The following GIGYF1 variants were observed in gnomAD, a reference collection of about 807,000 sequenced individuals.
The protein encoded by GIGYF1 is GRB10-interacting GYF protein 1.
GIGYF1 carries 84 observed loss-of-function variants against 147.1 expected under a neutral mutation model. The ratio of observed to expected loss-of-function variants is 0.57; its 90% CI spans 0.48 to 0.68. GIGYF1 has a LOEUF of 0.68. Ranked by LOEUF, GIGYF1 falls within the 30% of genes least tolerant of loss-of-function variation. The pLI, the probability that GIGYF1 is intolerant of heterozygous loss-of-function variation, is 0.00. For synonymous variants in GIGYF1, 752 were observed against 589.5 expected (o/e 1.28, Z -3.99); for missense variants, 1,485 against 1,393.7 (o/e 1.07, Z -1.04).
intron 12 of GIGYF1, 50 bp from the exon 13 acceptor site, chr7:100,685,531 C>A: frequency 1.3e-6 from 2 of 1,578,138 alleles, no homozygotes; most frequent in Non-Finnish European, 1.7e-6. Flanking sequence ...GGGCCTGCCA[C>A]GCGAGTTAGC....
In GIGYF1 at chr7:100,686,053, C is replaced by G; in HGVS notation, c.975G>C (p.Glu325Asp). Reference sequence around the variant, plus strand: ...ACCCTTGGAAGTCCAGCTCCTGCTCCTCAGGAATGGGCTCCTTGGGGCCCT... The same window carrying G: ...ACCCTTGGAAGTCCAGCTCCTGCTCGTCAGGAATGGGCTCCTTGGGGCCCT... ...LKKGPKEPIP[E>D]EQELDFQGLE... Residue 325 changes from glutamate to aspartate, a missense_variant, in exon 12 of 27, where the codon GAG becomes GAC. Physicochemically the swap from Glu to Asp is conservative, Grantham distance 45. Coordinates refer to ENST00000678049, the MANE Select transcript of GIGYF1 (RefSeq NM_001375765.1). 1 of 1,612,830 alleles carries G rather than the reference C, an allele frequency of 6.2e-7. No individual in the cohort carries two copies. Among genetic ancestry groups the G allele is most frequent in the Non-Finnish European group, 8.5e-7 (1 of 1,179,952 alleles).
chr7:100,683,839 T>G lies in GIGYF1; in HGVS notation c.1948A>C (p.Thr650Pro). The change falls in exon 19 of 27, where the codon ACC becomes CCC. Residue 650 changes from threonine to proline, a missense_variant. Thr to Pro is a conservative substitution (Grantham distance 38). Transcript: ENST00000678049. ...ACACCTGACTGTGATGAGGCTGAGGTATGTACGTCCCAGAGGCGGCCCGAA... is the reference window on the plus strand; with the variant it reads ...ACACCTGACTGTGATGAGGCTGAGGGATGTACGTCCCAGAGGCGGCCCGAA... ...PDSGRLWDVH[T>P]SASSQSGGEA... is the part of the protein sequence containing the mutation. 3 of 1,571,616 alleles carry G rather than the reference T, an allele frequency of 1.9e-6. No individual in the cohort carries two copies. The highest frequency in any genetic ancestry group is 2.6e-6 in the Non-Finnish European group (3 of 1,157,828).
chr7:100,685,239 A>C lies in GIGYF1; in HGVS notation c.1193-93T>G, dbSNP rs533024046. On this transcript the variant is annotated intron_variant, in intron 13 of 26. Transcript: ENST00000678049. ...CACTCCAGAACACCACGCTCTTGCC[A>C]TGGCTCCTCAATGTGAATGCCCTGT... 4.6e-6 allele frequency: 7 copies of C among 1,524,674 alleles called. No individual in the cohort carries two copies. The Admixed American group carries it at 9.6e-5, about 21-fold the overall frequency. 94.4% of individuals were successfully genotyped at this position (1,524,674 alleles called of 1,614,324 possible).
At chr7:100,691,543 A>G (rs1805825675) in intron 1 of GIGYF1, among the ~76,000 whole-genome samples, 1 of 142,072 alleles carries the variant, frequency 7.0e-6, no homozygotes, top group South Asian at 2.2e-4. Context: ...AAGTTTGTCT[A>G]TTGCAAGCTC....
Position 100,681,868 on chromosome 7 carries a change from G to C in GIGYF1, c.3051C>G (p.Ile1017Met). ...RALMLHSDPS[I>M]LGYSLHGSSG... is the part of the protein sequence containing the mutation. ...TCCTGCCCCAGCCCAGCTCACCCAG[G>C]ATGCTGGGGTCTGAGTGCAGCATCA... The change falls in exon 26 of 27, where the codon ATC becomes ATG. Residue 1017 changes from isoleucine (I) to methionine (M), a missense_variant. Coordinates refer to ENST00000678049, the MANE Select transcript of GIGYF1 (RefSeq NM_001375765.1). The C allele has an allele frequency of 6.2e-7, 1 of 1,612,602 alleles. No individual in the cohort carries two copies. The highest frequency in any genetic ancestry group is 1.1e-5 in the South Asian group (1 of 91,046).
chr7:100,683,777 C>T (rs201721548), intron 19 of GIGYF1, 41 bp downstream of exon 19: 13 of 1,577,054 alleles, frequency 8.2e-6, no homozygotes, highest in East Asian at 4.6e-5. Flanking sequence ...CCATTTCACC[C>T]GGAGACTGCC....
In GIGYF1 at chr7:100,684,105, T is replaced by C. The variant is rs1331283841; in HGVS notation, c.1783A>G (p.Thr595Ala). ...LREKAALGDL[T>A]PPPPPPPQQQ... Reference sequence around the variant, plus strand: ...TGTGGCGGCGGCGGTGGTGGCGGTGTCAGGTCCCCCAGAGCTGCCTTTTCT... The same window carrying C: ...TGTGGCGGCGGCGGTGGTGGCGGTGCCAGGTCCCCCAGAGCTGCCTTTTCT... Residue 595 changes from threonine to alanine, a missense_variant, in exon 18 of 27, where the codon ACA becomes GCA. Physicochemically the swap from Thr to Ala is moderately conservative, Grantham distance 58. Coordinates refer to ENST00000678049, the MANE Select transcript of GIGYF1 (RefSeq NM_001375765.1). 2.5e-6 allele frequency: 4 copies of C among 1,607,560 alleles called. No homozygotes were observed. The highest frequency in any genetic ancestry group is 1.7e-4 in the Middle Eastern group (1 of 6,012).
In GIGYF1 at chr7:100,682,720, G is replaced by A. The variant is rs1408380732; in HGVS notation, c.2470C>T (p.Leu824=). The A allele has an allele frequency of 3.2e-6, 5 of 1,574,234 alleles. No homozygotes were observed. The African/African-American group carries it at 5.4e-5, about 17-fold the overall frequency. Residue 824 remains leucine (L), a synonymous_variant, in exon 23 of 27, where the codon CTG becomes TTG. Transcript: ENST00000678049. ...CCACTCTTGTCTGGCCCGCCCCACA[G>A]TGGCCCAGCCTCAGACACCCACTGG... The part of the protein sequence containing the change: ...LNQWVSEAGP[L]WGGPDKSGGG...
At chr7:100,693,609 G>A (rs1482681585) in intron 1 of GIGYF1, among the ~76,000 whole-genome samples, 5 of 152,192 alleles carry the variant, frequency 3.3e-5, no homozygotes, top group Non-Finnish European at 5.9e-5. Flanking sequence ...TCGTTCCGAG[G>A]GGAACCCAAA....
Position 100,686,396 on chromosome 7 carries a change from C to A in GIGYF1, c.732G>T (p.Gly244=). The A allele has an allele frequency of 6.2e-7, 1 of 1,609,946 alleles. No homozygotes were observed. Among genetic ancestry groups the A allele is most frequent in the Non-Finnish European group, 8.5e-7 (1 of 1,177,832 alleles). ...CAAATTCAAACTTGCGCCGCCGTTC[C>A]CCATGTTCCCGCCAGCCAGCAGAGC... is the stretch of plus-strand genomic sequence containing the variant. ...GPRSAGWREH[G]ERRRKFEFDL... is the part of the protein sequence containing the mutation. Residue 244 remains glycine (G), a synonymous_variant, in exon 11 of 27, where the codon GGG becomes GGT. Transcript: ENST00000678049.
chr7:100,682,539 T>C (rs753314846), intron 23 of GIGYF1, 51 bp downstream of exon 23: 47 of 1,596,480 alleles, frequency 2.9e-5, no homozygotes, highest in Non-Finnish European at 3.9e-5. Flanking sequence ...TGGGGGGGTC[T>C]GCCACCTTCC....
At chr7:100,683,259 G>A in intron 21 of GIGYF1, 29 bp from the exon 22 acceptor site, 1 of 1,613,264 alleles carries the variant, frequency 6.2e-7, no homozygotes, top group Non-Finnish European at 8.5e-7. Context: ...GAGGGGACCT[G>A]GCGAGGGTTG....
chr7:100,687,640 A>C, intron 6 of GIGYF1, 24 bp from the exon 7 acceptor site: 1 of 1,582,986 alleles, frequency 6.3e-7, no homozygotes, highest in East Asian at 2.3e-5. Flanking sequence ...CAGGGGCGGG[A>C]GTGAGGACCC....
Position 100,683,319 on chromosome 7 carries a change from C to A in GIGYF1, c.2178G>T (p.Leu726=), listed in dbSNP as rs746898061. Residue 726 remains leucine (L), a synonymous_variant, in exon 21 of 27, where the codon CTG becomes CTT. Coordinates refer to ENST00000678049, the MANE Select transcript of GIGYF1 (RefSeq NM_001375765.1). ...GAGCACCCACGTGCTTGCGCCGAAA[C>A]AGCTCTTCCTCCTCCTGCCGCCGCT... ...EQKRRQEEEE[L]FRRKHVRQQE... 3 of 1,613,780 alleles carry A rather than the reference C, an allele frequency of 1.9e-6. No homozygotes were observed. The highest frequency in any genetic ancestry group is 2.7e-5 in the African/African-American group (2 of 74,946).
In GIGYF1 at chr7:100,683,280, CAGCT is replaced by C. The variant is rs755046743; in HGVS notation, c.2193+20_2193+23del. On this transcript the variant is annotated intron_variant, in intron 21 of 26. Coordinates refer to ENST00000678049, the MANE Select transcript of GIGYF1 (RefSeq NM_001375765.1). ...ACCTGGCGAGGGTTGTCCACCCAGC[CAGCT>C]GAGGCTTGGGAGCACCCACGTGCTT... The C allele has an allele frequency of 9.9e-6, 16 of 1,613,578 alleles. No individual in the cohort carries two copies. Among genetic ancestry groups the C allele is most frequent in the South Asian group, 3.3e-5 (3 of 91,092 alleles).
rs1216179287 is a variant in GIGYF1 at position 100,684,465 on chromosome 7, T to C, written c.1614A>G (p.Ser538=). 3.1e-6 allele frequency: 5 copies of C among 1,612,250 alleles called. No homozygotes were observed. The highest frequency in any genetic ancestry group is 4.2e-6 in the Non-Finnish European group (5 of 1,179,854). ...AGCGGCTCACCAGCAGTGGGGGAGG[T>C]GAGGGCCCTGGGGCAAAGGGCACGC... ...WGRVPFAPGP[S]PPPLLGNMDQ... The change falls in exon 16 of 27, where the codon TCA becomes TCG. Residue 538 remains serine (S), a synonymous_variant. Transcript: ENST00000678049.
chr7:100,682,316 G>GC lies in GIGYF1; in HGVS notation c.2761+5dup. ...CCCGCCCACCTCCTGGGAGCCGCTC[G>GC]CCCACCGTCCAGGCTGCCCGTGGCG... On this transcript the variant is annotated splice_donor_region_variant and intron_variant, in intron 24 of 26. Coordinates refer to ENST00000678049, the MANE Select transcript of GIGYF1 (RefSeq NM_001375765.1). The GC allele has an allele frequency of 6.2e-7, 1 of 1,610,928 alleles. No individual in the cohort carries two copies. The highest frequency in any genetic ancestry group is 8.5e-7 in the Non-Finnish European group (1 of 1,179,374).
At chr7:100,686,615 T>C (rs548098896) in intron 10 of GIGYF1, 34 bp downstream of exon 10, 1 of 1,582,906 alleles carries the variant, frequency 6.3e-7, no homozygotes, top group East Asian at 2.2e-5. Context: ...TGCTCCCCAC[T>C]GCCCCCGCCA....
Position 100,685,092 on chromosome 7 carries a change from G to C in GIGYF1, c.1247C>G (p.Pro416Arg). 1 of 1,581,132 alleles carries C rather than the reference G, an allele frequency of 6.3e-7. No individual in the cohort carries two copies. Among genetic ancestry groups the C allele is most frequent in the South Asian group, 1.1e-5 (1 of 86,994 alleles). Residue 416 changes from proline to arginine, a missense_variant, in exon 14 of 27, where the codon CCC becomes CGC. By Grantham distance (103) the Pro-to-Arg change is moderately radical (BLOSUM62 -2). Transcript: ENST00000678049. ...GCCTTCATCATCCTCCAGATCTCCG[G>C]GTGGGCCAGCAGAGGAGCCCACCCC... ...SPGVGSSAGP[P>R]GDLEDDEGLK...
Sources: allele counts gnomAD v4.1 joint callset (sites outside exome capture counted in the v4.1 genomes callset), GRCh38; gene constraint gnomAD v4.1.1; transcripts MANE v1.5; gene names NCBI Gene and HGNC (gene_info 2026-07-23, HGNC 2026-07-21).